Variants in SPMAP2L observed in about 807,000 individuals in gnomAD.
SPMAP2L encodes the protein sperm microtubule associated protein 2 like, also known as sperm microtubule associated protein 2-like.
At chr4:56,624,628 G>A in the SPMAP2L span, among the ~76,000 whole-genome samples, 1 of 152,220 alleles carries the variant, frequency 6.6e-6, no homozygotes, top group East Asian at 1.9e-4. Context: ...TGGCTGAAAA[G>A]GGCCAACACA....
At chr4:56,570,078 T>A in the SPMAP2L span, among the ~76,000 whole-genome samples, 1 of 152,184 alleles carries the variant, frequency 6.6e-6, no homozygotes, top group East Asian at 1.9e-4. Context: ...CTTTTTCTCA[T>A]TTTCTCCTCT....
chr4:56,559,971 T>A, the SPMAP2L span, among the ~76,000 whole-genome samples: 4 of 152,222 alleles, frequency 2.6e-5, no homozygotes, highest in Non-Finnish European at 5.9e-5. Flanking sequence ...ATTCTATATC[T>A]GTTTCCAACC....
At chr4:56,594,349 T>C in the SPMAP2L span, 22 of 1,533,412 alleles carry the variant, frequency 1.4e-5, no homozygotes, top group Non-Finnish European at 2.0e-5. Flanking sequence ...AACTGAACAG[T>C]TCGTCTGAAC....
chr4:56,544,669 T>C, the SPMAP2L span, among the ~76,000 whole-genome samples: 1 of 151,408 alleles, frequency 6.6e-6, no homozygotes, highest in Non-Finnish European at 1.5e-5. Context: ...TGGGCTCCGC[T>C]AGGCCGAGCC....
the SPMAP2L span, chr4:56,594,870 G>A: frequency 1.2e-6 from 2 of 1,610,038 alleles, no homozygotes; most frequent in Admixed American, 3.3e-5. Context: ...GTGGGAATCT[G>A]TCGCCCTGGA....
the SPMAP2L span, among the ~76,000 whole-genome samples, chr4:56,535,562 A>G: frequency 6.6e-6 from 1 of 152,132 alleles, no homozygotes; most frequent in Non-Finnish European, 1.5e-5. Context: ...TAAGAGGGAC[A>G]GGAATTGCTC....
the SPMAP2L span, among the ~76,000 whole-genome samples, chr4:56,585,286 T>C: frequency 6.6e-6 from 1 of 152,254 alleles, no homozygotes; most frequent in Non-Finnish European, 1.5e-5. Flanking sequence ...GATAAGGCTT[T>C]CAAAATTTTA....
At chr4:56,595,174 A>G in the SPMAP2L span, 1 of 1,611,574 alleles carries the variant, frequency 6.2e-7, no homozygotes, top group South Asian at 1.1e-5. Context: ...TGCCAACTAC[A>G]TGGCCAAGCG....
the SPMAP2L span, among the ~76,000 whole-genome samples, chr4:56,540,928 AG>A: frequency 6.6e-6 from 1 of 152,378 alleles, no homozygotes; most frequent in Non-Finnish European, 1.5e-5. Context: ...TGTGCCCAGG[AG>A]TCATGGCTCC....
At chr4:56,588,454 G>A in the SPMAP2L span, among the ~76,000 whole-genome samples, 1 of 148,276 alleles carries the variant, frequency 6.7e-6, no homozygotes, top group African/African-American at 2.5e-5. Context: ...TTTTTGAGAC[G>A]GAGGTTCATT....
the SPMAP2L span, among the ~76,000 whole-genome samples, chr4:56,568,079 T>C: frequency 0.21 from 31,793 of 152,034 alleles, 3,829 homozygotes; most frequent in East Asian, 0.44. Context: ...GTGTAATGTT[T>C]GTCTCACCCA....
At chr4:56,547,588 T>C in the SPMAP2L span, among the ~76,000 whole-genome samples, 2 of 152,150 alleles carry the variant, frequency 1.3e-5, no homozygotes, top group Admixed American at 6.5e-5. Flanking sequence ...TCCTCCTATC[T>C]GAGAAGGGAA....
chr4:56,544,422 T>A, the SPMAP2L span, among the ~76,000 whole-genome samples: 1 of 152,232 alleles, frequency 6.6e-6, no homozygotes, highest in Non-Finnish European at 1.5e-5. Flanking sequence ...GGGAAAATCA[T>A]GCCTCATACT....
At chr4:56,537,260 A>G in the SPMAP2L span, among the ~76,000 whole-genome samples, 3 of 152,250 alleles carry the variant, frequency 2.0e-5, no homozygotes, top group Non-Finnish European at 4.4e-5. Flanking sequence ...CCTTTAAAAA[A>G]TATTTACACT....
the SPMAP2L span, chr4:56,559,248 C>G: frequency 3.0e-6 from 2 of 655,820 alleles, no homozygotes; most frequent in Non-Finnish European, 4.2e-6. Flanking sequence ...TTGCAGTGAG[C>G]CGAGATCGAG....
At chr4:56,557,498 T>C in the SPMAP2L span, among the ~76,000 whole-genome samples, 3 of 152,096 alleles carry the variant, frequency 2.0e-5, no homozygotes, top group Non-Finnish European at 2.9e-5. Context: ...TTTAAAGAGA[T>C]GAAAGCTAAA....
chr4:56,573,647 C>T, the SPMAP2L span, among the ~76,000 whole-genome samples: 6 of 152,112 alleles, frequency 3.9e-5, no homozygotes, highest in East Asian at 7.7e-4. Flanking sequence ...ACTGAACTGC[C>T]ATTTCCTTCA....
At chr4:56,531,325 T>A in the SPMAP2L span, among the ~76,000 whole-genome samples, 1 of 152,194 alleles carries the variant, frequency 6.6e-6, no homozygotes, top group Non-Finnish European at 1.5e-5. Context: ...GTCATTTACC[T>A]GTTGCTTCGC....
the SPMAP2L span, among the ~76,000 whole-genome samples, chr4:56,609,009 C>T: frequency 9.2e-5 from 14 of 151,650 alleles, no homozygotes; most frequent in Admixed American, 5.9e-4. Context: ...AATGTATATC[C>T]TATGCTGATA....
Sources: gnomAD v4.1 joint callset for allele counts (sites outside exome capture counted in the v4.1 genomes callset) on GRCh38, gnomAD v4.1.1 for gene constraint, MANE v1.5 for transcripts, NCBI Gene and HGNC (gene_info 2026-07-23, HGNC 2026-07-21) for gene names.